The following SEPTIN6 variants were observed in gnomAD, a reference collection of about 807,000 sequenced individuals.
SEPTIN6 encodes the protein septin-6.
A neutral mutation model predicts 33.6 loss-of-function variants in SEPTIN6; 8 were observed. That is an observed-to-expected ratio of 0.24 (90% CI 0.14 to 0.43). The LOEUF (loss-of-function observed/expected upper bound fraction) is 0.43. SEPTIN6 is among the 20% of genes least tolerant of loss of function. SEPTIN6 has a pLI of 1.00. For missense variants in SEPTIN6, 250 were observed against 340.8 expected, an observed-to-expected ratio of 0.73 and a Z score of 2.10; for synonymous variants, 131 against 140.0, an observed-to-expected ratio of 0.94 and a Z score of 0.45.
chrX:119,638,164 GCCCACCTGGATGGTAGAAGCT>G, intron 6 of SEPTIN6, among the ~76,000 whole-genome samples: 1 of 111,628 alleles, frequency 9.0e-6, no homozygotes, highest in East Asian at 2.8e-4. Context: ...CGCAGGCATG[GCCCACCTGGATGGTAGAAGCT>G]TCCAAGGAGG....
chrX:119,616,455 A>G, downstream of SEPTIN6: 1 of 464,661 alleles, frequency 2.2e-6, no homozygotes, highest in Admixed American at 2.7e-5. Flanking sequence ...CTCTGAGGTT[A>G]CATTTCGTCC....
In SEPTIN6 at chrX:119,663,694, T is replaced by A. The variant is rs368259465; in HGVS notation, c.146-17A>T. On this transcript the variant is annotated splice_polypyrimidine_tract_variant and intron_variant, in intron 2 of 10. Transcript: ENST00000394610. ...CTGTCTCTCCTGAAAAGCAAAAGGA[T>A]AAATTATGGTCTGTTCACATAGTGA... is the stretch of plus-strand genomic sequence containing the variant. 8.6e-7 allele frequency: 1 copy of A among 1,167,767 alleles called. No individual in the cohort carries two copies. The highest frequency in any genetic ancestry group is 1.2e-6 in the Non-Finnish European group (1 of 861,195).
intron 10 of SEPTIN6, among the ~76,000 whole-genome samples, chrX:119,621,822 A>G (rs1222238876): frequency 9.5e-6 from 1 of 105,178 alleles, no homozygotes; most frequent in Non-Finnish European, 1.9e-5. Flanking sequence ...AAAAAAATAG[A>G]GAGATAGGGT....
intron 9 of SEPTIN6, among the ~76,000 whole-genome samples, chrX:119,627,074 A>G (rs1297233281): frequency 8.9e-6 from 1 of 112,096 alleles, no homozygotes; most frequent in Non-Finnish European, 1.9e-5. Context: ...CTGTTATGCA[A>G]AAGTTACCAT....
At chrX:119,655,150 T>C (rs1257910020) in intron 3 of SEPTIN6, among the ~76,000 whole-genome samples, 2 of 110,603 alleles carry the variant, frequency 1.8e-5, no homozygotes, top group Admixed American at 9.7e-5. Flanking sequence ...CCTGTGCCTG[T>C]CTTACTGCAA....
chrX:119,648,534 T>C (rs2054302927), intron 5 of SEPTIN6, among the ~76,000 whole-genome samples: 1 of 111,704 alleles, frequency 9.0e-6, no homozygotes, highest in African/African-American at 3.3e-5. Context: ...ATTTTTTCCA[T>C]GCCCACGGCC....
rs2053717431 is a variant in SEPTIN6, at chrX:119,619,760, C to T, written c.*333G>A. The T allele has an allele frequency of 4.0e-6, 4 of 1,007,200 alleles. No homozygotes were observed. The highest frequency in any genetic ancestry group is 5.0e-6 in the Non-Finnish European group (4 of 793,275). The allele number at this position is 1,007,200 out of a possible 1,213,427, so 83.0% of individuals were successfully genotyped here. A position where few individuals can be genotyped will look rare whatever the true frequency, so the allele number is the denominator to read the frequency against. ...GGTGGGAAAGAGTAGCAGATGGGCC[C>T]CCTGACCATGTCACACCTCTGGCAA... On this transcript the variant is annotated 3_prime_UTR_variant, in exon 11 of 11. Coordinates refer to ENST00000394610, the MANE Select transcript of SEPTIN6 (RefSeq NM_145799.4).
At chrX:119,648,837 A>C (rs1470961190) in intron 5 of SEPTIN6, among the ~76,000 whole-genome samples, 1 of 112,127 alleles carries the variant, frequency 8.9e-6, no homozygotes, top group Non-Finnish European at 1.9e-5. Context: ...GCATTATGTC[A>C]TTAGGAAAAA....
intron 9 of SEPTIN6, among the ~76,000 whole-genome samples, chrX:119,628,357 C>T (rs2053892708): frequency 9.1e-6 from 1 of 109,388 alleles, no homozygotes; most frequent in Admixed American, 9.7e-5. Context: ...CAACTCACTG[C>T]AACCTCTGCC....
chrX:119,657,900 C>T (rs1390511996), intron 3 of SEPTIN6, among the ~76,000 whole-genome samples: 5 of 111,712 alleles, frequency 4.5e-5, no homozygotes, highest in Non-Finnish European at 9.4e-5. Context: ...CCGAGGCAGG[C>T]GGATCATGAG....
At chrX:119,627,709 A>T (rs1366093982) in intron 9 of SEPTIN6, among the ~76,000 whole-genome samples, 2 of 107,542 alleles carry the variant, frequency 1.9e-5, no homozygotes, top group Non-Finnish European at 3.8e-5. Context: ...GCAACCTCAG[A>T]TATAGGGCAA....
chrX:119,685,335 C>T (rs1307888800), intron 1 of SEPTIN6, among the ~76,000 whole-genome samples: 1 of 110,346 alleles, frequency 9.1e-6, no homozygotes, highest in African/African-American at 3.3e-5. Flanking sequence ...AAGCATAGAT[C>T]GACCTTCCCT....
At chrX:119,625,088 C>A (rs1440400445) in intron 10 of SEPTIN6, among the ~76,000 whole-genome samples, 3 of 111,823 alleles carry the variant, frequency 2.7e-5, no homozygotes, top group Non-Finnish European at 5.6e-5. Context: ...CCTGTGTTAC[C>A]CAGCTGTTCT....
At chrX:119,655,433 C>T (rs768326961) in intron 3 of SEPTIN6, among the ~76,000 whole-genome samples, 32 of 111,207 alleles carry the variant, frequency 2.9e-4, no homozygotes, top group Admixed American at 2.5e-3. Context: ...CACTGGACTC[C>T]AGTGGGTGGT....
chrX:119,651,611 C>T (rs1337728644), intron 4 of SEPTIN6, among the ~76,000 whole-genome samples: 1 of 111,763 alleles, frequency 8.9e-6, no homozygotes, highest in African/African-American at 3.3e-5. Flanking sequence ...GCGGAGGTTG[C>T]GGTGAGCCAA....
At chrX:119,644,376 A>G (rs1161584175) in intron 5 of SEPTIN6, among the ~76,000 whole-genome samples, 1 of 109,343 alleles carries the variant, frequency 9.1e-6, no homozygotes, top group Admixed American at 9.8e-5. Flanking sequence ...ACTACCTGAG[A>G]CTGAGTAATT....
At chrX:119,681,866 G>A (rs1337083795) in intron 1 of SEPTIN6, among the ~76,000 whole-genome samples, 2 of 110,737 alleles carry the variant, frequency 1.8e-5, no homozygotes, top group Admixed American at 9.6e-5. Context: ...GCAGAATCCC[G>A]TCTCTACAAA....
chrX:119,655,143 G>A (rs1199973110), intron 3 of SEPTIN6, among the ~76,000 whole-genome samples: 1 of 110,247 alleles, frequency 9.1e-6, no homozygotes, highest in Non-Finnish European at 1.9e-5. Context: ...GTGATACCCT[G>A]TGCCTGTCTT....
At chrX:119,673,110 C>T (rs184717083) in intron 2 of SEPTIN6, among the ~76,000 whole-genome samples, 295 of 111,795 alleles carry the variant, frequency 2.6e-3, no homozygotes, top group Middle Eastern at 0.023. Context: ...GTGGCTAATG[C>T]CTGTAATCTC....
Sources: allele counts gnomAD v4.1 joint callset (sites outside exome capture counted in the v4.1 genomes callset), GRCh38; gene constraint gnomAD v4.1.1; transcripts MANE v1.5; gene names NCBI Gene and HGNC (gene_info 2026-07-23, HGNC 2026-07-21).